Variants in ENOX1 observed in about 807,000 individuals in gnomAD.
ENOX1 encodes the protein candidate growth-related and time keeping constitutive hydroquinone (NADH) oxidase.
In ENOX1, 42 loss-of-function variants were observed where a neutral mutation model predicts 82.5. The ratio of observed to expected loss-of-function variants is 0.51; its 90% CI spans 0.40 to 0.66. The LOEUF (loss-of-function observed/expected upper bound fraction) is 0.66. Ranked by LOEUF, ENOX1 falls within the 30% of genes least tolerant of loss-of-function variation. The pLI, the probability that ENOX1 is intolerant of heterozygous loss-of-function variation, is 0.00. For missense variants in ENOX1, 608 were observed against 811.6 expected, an observed-to-expected ratio of 0.75 and a Z score of 3.05; for synonymous variants, 271 against 282.2, an observed-to-expected ratio of 0.96 and a Z score of 0.40.
At chr13:43,535,375 G>A (rs2078413317) in intron 2 of ENOX1, among the ~76,000 whole-genome samples, 1 of 152,182 alleles carries the variant, frequency 6.6e-6, no homozygotes, top group Admixed American at 6.5e-5. Context: ...ATCTGACTAT[G>A]TAGCAAGATC....
chr13:43,588,785 G>A (rs529857082), intron 2 of ENOX1, among the ~76,000 whole-genome samples: 38 of 152,282 alleles, frequency 2.5e-4, no homozygotes, highest in African/African-American at 8.4e-4. Context: ...GGGGCACTTC[G>A]CATCCTAACC....
In ENOX1 at chr13:43,561,315, T is replaced by TA. The variant is rs545134159; in HGVS notation, c.-218-77164dup. 7.9e-5 allele frequency among the ~76,000 whole-genome samples: 12 copies of TA among 152,226 alleles called. No homozygotes were observed. The East Asian group carries it at 2.3e-3, about 30-fold the overall frequency. Reference sequence around the variant, plus strand: ...ACAAAGCTCCCTGTACTTGTGCAGATAGAGAGGCAGAGTATACCCCGGAGC... The same window carrying TA: ...ACAAAGCTCCCTGTACTTGTGCAGATAAGAGAGGCAGAGTATACCCCGGAGC... On this transcript the variant is annotated intron_variant, in intron 2 of 16. Transcript: ENST00000690772.
intron 5 of ENOX1, among the ~76,000 whole-genome samples, chr13:43,399,836 C>A (rs1191363333): frequency 6.6e-6 from 1 of 152,118 alleles, no homozygotes; most frequent in Non-Finnish European, 1.5e-5. Flanking sequence ...TCCCCACATA[C>A]TGCTGTAATA....
chr13:43,712,678 A>C (rs1474973444), intron 1 of ENOX1, among the ~76,000 whole-genome samples: 1 of 152,044 alleles, frequency 6.6e-6, no homozygotes, highest in African/African-American at 2.4e-5. Flanking sequence ...TCTTTGAAGC[A>C]ATTGTGAATG....
intron 5 of ENOX1, among the ~76,000 whole-genome samples, chr13:43,395,241 G>A (rs180684456): frequency 3.3e-5 from 5 of 152,390 alleles, no homozygotes; most frequent in Admixed American, 2.6e-4. Context: ...CCAGGGCCGG[G>A]TGCAGTGGCT....
chr13:43,593,533 G>T (rs1303113507), intron 2 of ENOX1, among the ~76,000 whole-genome samples: 1 of 151,966 alleles, frequency 6.6e-6, no homozygotes, highest in African/African-American at 2.4e-5. Context: ...CTAGAATTAA[G>T]GAGAGGTTAT....
chr13:43,716,789 A>AC (rs879244687), intron 1 of ENOX1, among the ~76,000 whole-genome samples: 6 of 2,464 alleles, frequency 2.4e-3, no homozygotes, highest in Non-Finnish European at 0.021. Flanking sequence ...CAATACCCAC[A>AC]AAAAAAAAAA....
At chr13:43,538,936 A>T (rs138611031) in intron 2 of ENOX1, among the ~76,000 whole-genome samples, 3 of 151,974 alleles carry the variant, frequency 2.0e-5, no homozygotes, top group African/African-American at 7.2e-5. Context: ...CAATCCTCTC[A>T]CATCAGACTC....
intron 2 of ENOX1, among the ~76,000 whole-genome samples, chr13:43,491,225 G>C (rs1418400340): frequency 6.6e-6 from 1 of 152,144 alleles, no homozygotes; most frequent in East Asian, 1.9e-4. Context: ...CATGGACTTA[G>C]TGAGAACTCA....
At chr13:43,511,498 A>G (rs1235725817) in intron 2 of ENOX1, among the ~76,000 whole-genome samples, 1 of 152,154 alleles carries the variant, frequency 6.6e-6, no homozygotes, top group Non-Finnish European at 1.5e-5. Flanking sequence ...TTGACCTGAA[A>G]TGCTCTAGAA....
chr13:43,455,371 T>C (rs2057175796), intron 3 of ENOX1, among the ~76,000 whole-genome samples: 1 of 152,196 alleles, frequency 6.6e-6, no homozygotes, highest in South Asian at 2.1e-4. Context: ...TTTTTAATCC[T>C]GGTATTCTGA....
Position 43,443,799 on chromosome 13 carries a change from C to T in ENOX1, c.-74-30811G>A, listed in dbSNP as rs1336236141. On this transcript the variant is annotated intron_variant, in intron 3 of 16. Coordinates refer to ENST00000690772, the MANE Select transcript of ENOX1 (RefSeq NM_001347969.2). ...AAAGGAAGAATAGGATCAGACCAGG[C>T]GAAGGAGAGGCATTCCAAGTGAAGA... Among the ~76,000 whole-genome samples the T allele has an allele frequency of 2.6e-5, 4 of 152,000 alleles. No individual in the cohort carries two copies. In the East Asian group the frequency reaches 5.8e-4, roughly 22 times the overall value.
At chr13:43,381,563 C>T (rs2052049256) in intron 5 of ENOX1, among the ~76,000 whole-genome samples, 1 of 148,316 alleles carries the variant, frequency 6.7e-6, no homozygotes, top group Admixed American at 6.7e-5. Flanking sequence ...CATAGAAAAA[C>T]TATAGAGAAA....
At chr13:43,727,974 C>T (rs2089093103) in intron 1 of ENOX1, among the ~76,000 whole-genome samples, 1 of 152,184 alleles carries the variant, frequency 6.6e-6, no homozygotes, top group African/African-American at 2.4e-5. Flanking sequence ...TTCCCCAACG[C>T]TATTTTCTAC....
intron 1 of ENOX1, among the ~76,000 whole-genome samples, chr13:43,694,221 T>G (rs2086517581): frequency 5.7e-5 from 1 of 17,614 alleles, no homozygotes; most frequent in Admixed American, 9.3e-4. Flanking sequence ...GAAATTAAAC[T>G]TAGGGGAAAA....
intron 1 of ENOX1, among the ~76,000 whole-genome samples, chr13:43,751,147 C>T (rs1002867790): frequency 6.6e-6 from 1 of 152,204 alleles, no homozygotes; most frequent in South Asian, 2.1e-4. Context: ...TCAATGCTTA[C>T]TGGCAATATC....
At chr13:43,777,071 T>C (rs755477604) in intron 1 of ENOX1, among the ~76,000 whole-genome samples, 22 of 152,210 alleles carry the variant, frequency 1.4e-4, no homozygotes, top group Non-Finnish European at 2.8e-4. Flanking sequence ...CCTTTTACAA[T>C]AGGCATACTT....
intron 5 of ENOX1, among the ~76,000 whole-genome samples, chr13:43,387,750 A>G (rs937538397): frequency 4.6e-5 from 7 of 152,122 alleles, no homozygotes; most frequent in African/African-American, 1.7e-4. Flanking sequence ...ATAAATATGT[A>G]AATGCACACA....
chr13:43,216,920 C>T (rs925759836), intron 16 of ENOX1, among the ~76,000 whole-genome samples: 1 of 152,230 alleles, frequency 6.6e-6, no homozygotes, highest in Non-Finnish European at 1.5e-5. Flanking sequence ...TGACAACTTA[C>T]AATCACCAGG....
Sources: gnomAD v4.1 joint callset for allele counts (sites outside exome capture counted in the v4.1 genomes callset) on GRCh38, gnomAD v4.1.1 for gene constraint, MANE v1.5 for transcripts, NCBI Gene and HGNC (gene_info 2026-07-23, HGNC 2026-07-21) for gene names.